Variants in ZSCAN10 observed in about 807,000 individuals in gnomAD.
The protein encoded by ZSCAN10 is zinc finger and SCAN domain-containing protein 10.
ZSCAN10 carries 52 observed loss-of-function variants against 63.7 expected under a neutral mutation model. The observed-to-expected ratio is 0.82, with a 90% CI of 0.65 to 1.03. ZSCAN10 has a LOEUF of 1.03. ZSCAN10 is among the 50% of genes least tolerant of loss of function. ZSCAN10 has a pLI of 0.00. For synonymous variants in ZSCAN10, 544 were observed against 479.6 expected (o/e 1.13, Z -1.76); for missense variants, 1,223 against 1,103.8 (o/e 1.11, Z -1.53).
At chr16:3,091,672 G>C (rs1463059293) in intron 4 of ZSCAN10, 75 bp from the exon 5 acceptor site, 3 of 1,610,582 alleles carry the variant, frequency 1.9e-6, no homozygotes, top group Non-Finnish European at 2.5e-6. Context: ...ATGCTTCCTA[G>C]GACTGAATCA....
intron 5 of ZSCAN10, among the ~76,000 whole-genome samples, chr16:3,091,288 A>ATTC (rs1957070963): frequency 6.6e-6 from 1 of 151,974 alleles, no homozygotes; most frequent in African/African-American, 2.4e-5. Context: ...TGGGCGAGTA[A>ATTC]CATCCTGTTT....
intron 1 of ZSCAN10, among the ~76,000 whole-genome samples, chr16:3,095,326 T>A (rs1263853058): frequency 6.7e-6 from 1 of 149,250 alleles, no homozygotes; most frequent in African/African-American, 2.5e-5. Flanking sequence ...GACCATCCTG[T>A]CTAACATGGT....
In ZSCAN10 at chr16:3,089,835, G is replaced by A. The variant is rs1205072861; in HGVS notation, c.1599C>T (p.Arg533=). The A allele has an allele frequency of 2.6e-6, 4 of 1,556,326 alleles. No homozygotes were observed. The highest frequency in any genetic ancestry group is 2.6e-6 in the Non-Finnish European group (3 of 1,157,466). ...VCSDCGKAFR[R]SEHLVAHRRV... ...TCCGGTGGGCCACCAGGTGCTCGCTGCGCCGGAAGGCCTTGCCGCAGTCGC... is the reference window on the plus strand; with the variant it reads ...TCCGGTGGGCCACCAGGTGCTCGCTACGCCGGAAGGCCTTGCCGCAGTCGC... Residue 533 remains arginine (R), a synonymous_variant, in exon 6 of 6, where the codon CGC becomes CGT. Transcript: ENST00000576985.
At position 3,090,288 on chromosome 16, in the gene ZSCAN10, C is replaced by G. The variant is rs1460189264; in HGVS notation, c.1146G>C (p.Gly382=). 1 of 1,609,402 alleles carries G rather than the reference C, an allele frequency of 6.2e-7. No homozygotes were observed. The highest frequency in any genetic ancestry group is 8.5e-7 in the Non-Finnish European group (1 of 1,179,142). The change falls in exon 6 of 6, where the codon GGG becomes GGC. Residue 382 remains glycine, a synonymous_variant. Transcript: ENST00000576985. Reference sequence around the variant, plus strand: ...GAATGGAGCTGCGGCCGAAGCTCTTCCCGCAGCAAAGGCACAGGAAGGAGC... The same window carrying G: ...GAATGGAGCTGCGGCCGAAGCTCTTGCCGCAGCAAAGGCACAGGAAGGAGC... ...AGRSFLCLCC[G]KSFGRSSILK...
At chr16:3,091,045 A>G (rs909933490) in intron 5 of ZSCAN10, among the ~76,000 whole-genome samples, 1 of 152,024 alleles carries the variant, frequency 6.6e-6, no homozygotes, top group Non-Finnish European at 1.5e-5. Flanking sequence ...ACTCCAGCCT[A>G]GGCAACACAG....
intron 1 of ZSCAN10, among the ~76,000 whole-genome samples, chr16:3,095,495 C>T (rs1440879678): frequency 7.1e-6 from 1 of 140,284 alleles, no homozygotes; most frequent in Non-Finnish European, 1.5e-5. Flanking sequence ...CCAGCCTGGG[C>T]GACAGCGAGA....
chr16:3,089,729 G>C lies in ZSCAN10; in HGVS notation c.1705C>G (p.Gln569Glu), dbSNP rs763141156. Residue 569 changes from glutamine to glutamate, a missense_variant, in exon 6 of 6, where the codon CAA becomes GAA. Gln to Glu is a conservative substitution (Grantham distance 29). Transcript: ENST00000576985. ...GGCTTCTCGCCCGTGTGCACCCGTT[G>C]GTGGCTGACCAGCTGCGAGCTCTGC... is the stretch of plus-strand genomic sequence containing the variant. Reference protein sequence around the residue: ...FTQSSQLVSHQRVHTGEKPYA... With the variant: ...FTQSSQLVSHERVHTGEKPYA... 2 of 1,603,452 alleles carry C rather than the reference G, an allele frequency of 1.2e-6. No homozygotes were observed. The highest frequency in any genetic ancestry group is 1.7e-6 in the Non-Finnish European group (2 of 1,179,170).
At chr16:3,093,678 TTTTTTTTTC>T (rs1957118479) in intron 1 of ZSCAN10, among the ~76,000 whole-genome samples, 1 of 103,080 alleles carries the variant, frequency 9.7e-6, no homozygotes, top group Admixed American at 8.9e-5. Flanking sequence ...TTTTAAAGCT[TTTTTTTTTC>T]TTTTTTTTTT....
At position 3,092,714 on chromosome 16, in the gene ZSCAN10, GGCCGCA is replaced by G. The variant is rs772260061; in HGVS notation, c.218_223del (p.Leu73_Arg74del). On this transcript the variant is annotated inframe_deletion, in exon 2 of 6. Coordinates refer to ENST00000576985, the MANE Select transcript of ZSCAN10 (RefSeq NM_032805.3). ...GATCTGTTTCTTGGTGTGCAGAGCC[GGCCGCA>G]GCCAGTGGCCGCAGAGCTCCCGGAG... The G allele has an allele frequency of 8.7e-6, 14 of 1,612,958 alleles. No homozygotes were observed. Among genetic ancestry groups the G allele is most frequent in the Non-Finnish European group, 1.1e-5 (13 of 1,179,850 alleles).
rs1957107038 is a variant in ZSCAN10 at position 3,093,020 on chromosome 16, C to T, written c.-67-16G>A. ...CCTCCCACACCTGCGAAGGTGAACACCCTGGGTTAGGATCTGCTGCGAGGA... is the reference window on the plus strand; with the variant it reads ...CCTCCCACACCTGCGAAGGTGAACATCCTGGGTTAGGATCTGCTGCGAGGA... On this transcript the variant is annotated splice_polypyrimidine_tract_variant and intron_variant, in intron 1 of 5. Transcript: ENST00000576985. 7.3e-7 allele frequency: 1 copy of T among 1,360,842 alleles called. No homozygotes were observed. Among genetic ancestry groups the T allele is most frequent in the East Asian group, 2.8e-5 (1 of 35,830 alleles). 84.3% of individuals were successfully genotyped at this position (1,360,842 alleles called of 1,614,324 possible). A position where few individuals can be genotyped will look rare whatever the true frequency, so the allele number is the denominator to read the frequency against.
Position 3,089,497 on chromosome 16 carries a change from C to A in ZSCAN10, c.1937G>T (p.Ser646Ile), listed in dbSNP as rs771580222. 4.4e-6 allele frequency: 7 copies of A among 1,601,090 alleles called. No homozygotes were observed. The highest frequency in any genetic ancestry group is 1.7e-5 in the Admixed American group (1 of 58,142). The change falls in exon 6 of 6, where the codon AGC becomes ATC. Residue 646 changes from serine (S) to isoleucine (I), a missense_variant. By Grantham distance (142) the Ser-to-Ile change is moderately radical. Transcript: ENST00000576985. ...GCGCTGGTGGCGCGCCAGGTGGGCG[C>A]TCTGGCTGAAGCCCTCACCGCACTC... Reference protein sequence around the residue: ...CSECGEGFSQSAHLARHQRIH... With the variant: ...CSECGEGFSQIAHLARHQRIH...
Position 3,092,074 on chromosome 16 carries a change from C to T in ZSCAN10, c.639G>A (p.Lys213=). 6.3e-7 allele frequency: 1 copy of T among 1,580,724 alleles called. No homozygotes were observed. The highest frequency in any genetic ancestry group is 8.6e-7 in the Non-Finnish European group (1 of 1,162,636). Residue 213 remains lysine (K), a synonymous_variant, in exon 3 of 6, where the codon AAG becomes AAA. Coordinates refer to ENST00000576985, the MANE Select transcript of ZSCAN10 (RefSeq NM_032805.3). ...SKQPLSPGPQ[K]TFQALQESSP... ...TGCTTTCTTGCAGGGCCTGGAATGTCTTCTGGGGCCCCGGGCTCAGCGGCT... is the reference window on the plus strand; with the variant it reads ...TGCTTTCTTGCAGGGCCTGGAATGTTTTCTGGGGCCCCGGGCTCAGCGGCT...
chr16:3,091,730 G>C, intron 4 of ZSCAN10, 34 bp downstream of exon 4: 1 of 1,583,918 alleles, frequency 6.3e-7, no homozygotes, highest in Non-Finnish European at 8.6e-7. Flanking sequence ...AGTTCCTGGG[G>C]CTTGAGGACA....
intron 1 of ZSCAN10, among the ~76,000 whole-genome samples, chr16:3,094,171 C>T (rs1957126447): frequency 6.6e-6 from 1 of 151,946 alleles, no homozygotes; most frequent in Non-Finnish European, 1.5e-5. Flanking sequence ...TATCACCATG[C>T]TGGGTTAATT....
At chr16:3,095,845 A>AT (rs1957147601) in intron 1 of ZSCAN10, among the ~76,000 whole-genome samples, 2 of 144,956 alleles carry the variant, frequency 1.4e-5, no homozygotes, top group African/African-American at 5.7e-5. Context: ...AAAAAAAAAA[A>AT]TTTAGCCAGT....
chr16:3,090,508 C>T lies in ZSCAN10; in HGVS notation c.926G>A (p.Gly309Glu). 1.9e-6 allele frequency: 3 copies of T among 1,613,280 alleles called. No individual in the cohort carries two copies. The highest frequency in any genetic ancestry group is 2.5e-6 in the Non-Finnish European group (3 of 1,179,726). Residue 309 changes from glycine to glutamate, a missense_variant, in exon 6 of 6, where the codon GGA becomes GAA. Coordinates refer to ENST00000576985, the MANE Select transcript of ZSCAN10 (RefSeq NM_032805.3). ...VPGEPCAQSL[G>E]RGAAASGPGE... is the part of the protein sequence containing the mutation. ...AGGGCCGCTAGCCGCAGCGCCCCGT[C>T]CGAGCGACTGGGCGCAAGGCTCTCC...
chr16:3,092,553 C>A lies in ZSCAN10; in HGVS notation c.385G>T (p.Ala129Ser), dbSNP rs1441180332. Residue 129 changes from alanine to serine, a missense_variant, in exon 2 of 6, where the codon GCG (alanine) becomes TCG (serine). Physicochemically the swap from Ala to Ser is moderately conservative, Grantham distance 99. Transcript: ENST00000576985. ...LEGIHREPSH[A>S]GPLDFSCNAG... is the part of the protein sequence containing the mutation. ...CCCCACCCTCTCACCAGCGGCCCCG[C>A]GTGGCTGGGCTCCCGGTGGATGCCC... 3.3e-6 allele frequency: 5 copies of A among 1,536,788 alleles called. No individual in the cohort carries two copies. Among genetic ancestry groups the A allele is most frequent in the South Asian group, 1.2e-5 (1 of 82,450 alleles).
At position 3,091,822 on chromosome 16, in the gene ZSCAN10, T is replaced by C; in HGVS notation, c.671A>G (p.Gln224Arg). 6.4e-7 allele frequency: 1 copy of C among 1,572,304 alleles called. No individual in the cohort carries two copies. The highest frequency in any genetic ancestry group is 8.6e-7 in the Non-Finnish European group (1 of 1,158,742). ...TFQALQESSP[Q>R]GPSPWPEESS... is the part of the protein sequence containing the mutation. ...CTCCTCTGGCCATGGTGAGGGGCCC[T>C]GGGGACCTGACGGCATTGGGGAAGA... Residue 224 changes from glutamine to arginine, a missense_variant, in exon 4 of 6, where the codon CAG becomes CGG. Transcript: ENST00000576985.
At chr16:3,097,280 G>A (rs1957165371) in intron 1 of ZSCAN10, among the ~76,000 whole-genome samples, 1 of 151,970 alleles carries the variant, frequency 6.6e-6, no homozygotes, top group Non-Finnish European at 1.5e-5. Context: ...GAGAAGGAGG[G>A]GAGGTGATTC....
Sources: gnomAD v4.1 joint callset for allele counts (sites outside exome capture counted in the v4.1 genomes callset) on GRCh38, gnomAD v4.1.1 for gene constraint, MANE v1.5 for transcripts, NCBI Gene and HGNC (gene_info 2026-07-23, HGNC 2026-07-21) for gene names.